HPGDS: variants seen among roughly 807,000 people sequenced by gnomAD.
The protein encoded by HPGDS is hematopoietic prostaglandin D synthase, also known as GST class-sigma.
HPGDS carries 26 observed loss-of-function variants against 23.1 expected under a neutral mutation model. That is an observed-to-expected ratio of 1.13 (90% CI 0.83 to 1.56). HPGDS has a LOEUF of 1.56. HPGDS is among the 40% of genes most tolerant of loss of function. HPGDS has a pLI of 0.00. For missense variants in HPGDS, 268 were observed against 236.4 expected (o/e 1.13, Z -0.88); for synonymous variants, 95 against 77.9 (o/e 1.22, Z -1.16).
chr4:94,331,558 G>C (rs1244377592), intron 2 of HPGDS, among the ~76,000 whole-genome samples: 1 of 152,088 alleles, frequency 6.6e-6, no homozygotes, highest in East Asian at 1.9e-4. Context: ...AGAAACTCTC[G>C]ATCGTTCATT....
At chr4:94,312,816 G>A (rs146895936) in intron 3 of HPGDS, among the ~76,000 whole-genome samples, 3,764 of 152,168 alleles carry the variant, frequency 0.025, 103 homozygotes, top group African/African-American at 0.074. Flanking sequence ...GAAACTGGGT[G>A]CTCCTGTATT....
intron 2 of HPGDS, among the ~76,000 whole-genome samples, chr4:94,326,954 T>C (rs1484289414): frequency 1.3e-5 from 2 of 152,138 alleles, no homozygotes; most frequent in Non-Finnish European, 2.9e-5. Flanking sequence ...AGTCTTCATA[T>C]GATTTCTTCA....
chr4:94,305,397 T>TTTATA (rs1756121512), intron 4 of HPGDS, among the ~76,000 whole-genome samples: 1 of 151,940 alleles, frequency 6.6e-6, no homozygotes, highest in Admixed American at 6.6e-5. Flanking sequence ...CTACACACCT[T>TTTATA]ACATTTATAT....
intron 2 of HPGDS, among the ~76,000 whole-genome samples, chr4:94,329,620 G>T (rs377524086): frequency 6.6e-6 from 1 of 152,122 alleles, no homozygotes; most frequent in African/African-American, 2.4e-5. Context: ...AGAATAAAGG[G>T]CAGATGAAGA....
At chr4:94,318,892 T>G (rs1481044865) in intron 2 of HPGDS, among the ~76,000 whole-genome samples, 1 of 152,164 alleles carries the variant, frequency 6.6e-6, no homozygotes, top group Non-Finnish European at 1.5e-5. Flanking sequence ...TTTGTATTTT[T>G]AGTAGAGATG....
In HPGDS at chr4:94,340,311, C is replaced by CTTTTCTTTTTTTT. The variant is rs1721126934; in HGVS notation, c.-10+2483_-10+2484insAAAAAAAAGAAAA. On this transcript the variant is annotated intron_variant, in intron 1 of 5. Coordinates refer to ENST00000295256, the MANE Select transcript of HPGDS (RefSeq NM_014485.3). ...TTTCTTTCTTTCTTTCTTTCTTTCTCTTTTTTTTTTTTTTTTTTTTTTTTT... is the reference window on the plus strand; with the variant it reads ...TTTCTTTCTTTCTTTCTTTCTTTCTCTTTTCTTTTTTTTTTTTTTTTTTTTTTTTTTTTTTTTT... Among the ~76,000 whole-genome samples the CTTTTCTTTTTTTT allele has an allele frequency of 2.1e-4, 5 of 23,676 alleles. 1 individual carries two copies. Among genetic ancestry groups the CTTTTCTTTTTTTT allele is most frequent in the Non-Finnish European group, 4.3e-4 (5 of 11,508 alleles). 15.5% of individuals were successfully genotyped at this position (23,676 alleles called of 152,430 possible).
intron 1 of HPGDS, 117 bp from the exon 2 acceptor site, chr4:94,334,755 G>T: frequency 2.3e-6 from 2 of 872,786 alleles, no homozygotes; most frequent in Non-Finnish European, 3.3e-6. Flanking sequence ...GGAGACATTA[G>T]AGGATATTTC....
intron 3 of HPGDS, among the ~76,000 whole-genome samples, chr4:94,315,096 C>T (rs28568937): frequency 0.15 from 22,374 of 152,194 alleles, 1,891 homozygotes; most frequent in Non-Finnish European, 0.19. Context: ...CTGGGTGAGG[C>T]GATGCCTCAC....
intron 3 of HPGDS, among the ~76,000 whole-genome samples, chr4:94,309,788 C>T (rs947596894): frequency 1.6e-4 from 25 of 151,684 alleles, no homozygotes; most frequent in Non-Finnish European, 2.8e-4. Context: ...CTCTCCAGCA[C>T]CTGTTGTTTC....
chr4:94,309,030 G>A (rs957412325), intron 3 of HPGDS, among the ~76,000 whole-genome samples: 20 of 111,068 alleles, frequency 1.8e-4, no homozygotes, highest in Admixed American at 1.7e-3. Flanking sequence ...TTCTTTACAA[G>A]TACCCAAAGG....
chr4:94,323,779 G>A (rs1014275033), intron 2 of HPGDS, among the ~76,000 whole-genome samples: 2 of 152,066 alleles, frequency 1.3e-5, no homozygotes, highest in Admixed American at 6.5e-5. Context: ...GGTTAATATT[G>A]TTATGTGTGA....
At chr4:94,321,458 C>G (rs1015679499) in intron 2 of HPGDS, among the ~76,000 whole-genome samples, 35 of 152,168 alleles carry the variant, frequency 2.3e-4, no homozygotes, top group Non-Finnish European at 4.9e-4. Context: ...GTTTGTAGTT[C>G]TCCTTGAAGA....
intron 3 of HPGDS, among the ~76,000 whole-genome samples, chr4:94,309,642 C>T (rs1232928180): frequency 6.6e-6 from 1 of 151,964 alleles, no homozygotes; most frequent in Non-Finnish European, 1.5e-5. Flanking sequence ...TGGGTATATA[C>T]CCACTAATGG....
At chr4:94,322,362 G>T (rs1159079887) in intron 2 of HPGDS, among the ~76,000 whole-genome samples, 1 of 152,144 alleles carries the variant, frequency 6.6e-6, no homozygotes. Context: ...TGTATCTCTG[G>T]TAGAATTCAG....
At chr4:94,310,616 A>T (rs1017087366) in intron 3 of HPGDS, among the ~76,000 whole-genome samples, 7 of 152,108 alleles carry the variant, frequency 4.6e-5, no homozygotes, top group Non-Finnish European at 7.4e-5. Flanking sequence ...TTGGCAATGC[A>T]GGCTCTTTTT....
At chr4:94,324,375 C>T (rs1756584511) in intron 2 of HPGDS, among the ~76,000 whole-genome samples, 1 of 152,124 alleles carries the variant, frequency 6.6e-6, no homozygotes, top group African/African-American at 2.4e-5. Flanking sequence ...TTCCATTCTC[C>T]CCATCATGTT....
intron 2 of HPGDS, 149 bp from the exon 3 acceptor site, chr4:94,318,114 A>C: frequency 1.6e-6 from 1 of 627,752 alleles, no homozygotes; most frequent in Non-Finnish European, 2.8e-6. Flanking sequence ...GACAACTTGT[A>C]GTGGAATATT....
At chr4:94,318,711 G>C (rs1756444475) in intron 2 of HPGDS, among the ~76,000 whole-genome samples, 1 of 151,978 alleles carries the variant, frequency 6.6e-6, no homozygotes, top group African/African-American at 2.4e-5. Context: ...TGTAGCTTAT[G>C]GATTAAAAAA....
At chr4:94,338,150 G>A (rs1578147086) in intron 1 of HPGDS, among the ~76,000 whole-genome samples, 2 of 152,182 alleles carry the variant, frequency 1.3e-5, no homozygotes, top group South Asian at 2.1e-4. Flanking sequence ...CAGGCCGGGT[G>A]CAGTGGCTCA....
Sources: gnomAD v4.1 joint callset for allele counts (sites outside exome capture counted in the v4.1 genomes callset) on GRCh38, gnomAD v4.1.1 for gene constraint, MANE v1.5 for transcripts, NCBI Gene and HGNC (gene_info 2026-07-23, HGNC 2026-07-21) for gene names.